The following CLSPN variants were observed in gnomAD, a reference collection of about 807,000 sequenced individuals.
The protein encoded by CLSPN is claspin.
CLSPN carries 85 observed loss-of-function variants against 156.3 expected under a neutral mutation model. That is an observed-to-expected ratio of 0.54 (90% CI 0.46 to 0.65). CLSPN has a LOEUF of 0.65. Ranked by LOEUF, CLSPN falls within the 30% of genes least tolerant of loss-of-function variation. The pLI is 0.00. For synonymous variants in CLSPN, 534 were observed against 542.4 expected (o/e 0.98, Z 0.22); for missense variants, 1,407 against 1,554.9 (o/e 0.90, Z 1.60).
intron 24 of CLSPN, among the ~76,000 whole-genome samples, chr1:35,725,496 G>T (rs1316022164): frequency 6.6e-6 from 1 of 151,904 alleles, no homozygotes; most frequent in African/African-American, 2.4e-5. Context: ...TGCCTCTGTG[G>T]GCTCCATAAT....
In CLSPN at chr1:35,737,084, A is replaced by G. The variant is rs747580666; in HGVS notation, c.3748-9T>C. The stretch of plus-strand genomic sequence containing the variant: ...AGTGAGCCTGTCTTCACCTGAGGAA[A>G]GAAGAGTCATCTGGTATCAAATCCC... On this transcript the variant is annotated splice_polypyrimidine_tract_variant and intron_variant, in intron 23 of 24. Coordinates refer to ENST00000318121, the MANE Select transcript of CLSPN (RefSeq NM_022111.4). 6.2e-7 allele frequency: 1 copy of G among 1,611,502 alleles called. No individual in the cohort carries two copies. The highest frequency in any genetic ancestry group is 8.5e-7 in the Non-Finnish European group (1 of 1,179,068).
In CLSPN at chr1:35,738,100, G is replaced by GAC. The variant is rs1641538562; in HGVS notation, c.3559-4_3559-3insGT. Reference sequence around the variant, plus strand: ...GCTGTAATTTTCCCCTGCTGTGCCTGAAAAAAAAAAAAAATATATATATAT... The same window carrying GAC: ...GCTGTAATTTTCCCCTGCTGTGCCTGACAAAAAAAAAAAAAATATATATATAT... On this transcript the variant is annotated splice_polypyrimidine_tract_variant and splice_region_variant and intron_variant, in intron 21 of 24. Coordinates refer to ENST00000318121, the MANE Select transcript of CLSPN (RefSeq NM_022111.4). 2 of 353,106 alleles carry GAC rather than the reference G, an allele frequency of 5.7e-6. No homozygotes were observed. Among genetic ancestry groups the GAC allele is most frequent in the Non-Finnish European group, 8.1e-6 (2 of 247,972 alleles). 21.9% of individuals were successfully genotyped at this position (353,106 alleles called of 1,614,324 possible). A position where few individuals can be genotyped will look rare whatever the true frequency, so the allele number is the denominator to read the frequency against.
At chr1:35,741,887 C>T (rs1466853082) in intron 18 of CLSPN, among the ~76,000 whole-genome samples, 3 of 142,788 alleles carry the variant, frequency 2.1e-5, no homozygotes, top group Non-Finnish European at 4.5e-5. Flanking sequence ...GCAGGAGAAT[C>T]GCTTTGAACC....
chr1:35,745,600 T>G, intron 15 of CLSPN, 38 bp from the exon 16 acceptor site: 1 of 1,383,782 alleles, frequency 7.2e-7, no homozygotes, highest in Non-Finnish European at 1.0e-6. Context: ...CACCAAGGAA[T>G]GATAGCTTTA....
At chr1:35,769,313 AGGAGCC>A (rs1424649163) in intron 1 of CLSPN, among the ~76,000 whole-genome samples, 1 of 152,202 alleles carries the variant, frequency 6.6e-6, no homozygotes. Flanking sequence ...GCCACCAGCC[AGGAGCC>A]CCAGCGGTGA....
In CLSPN at chr1:35,739,368, T is replaced by C; in HGVS notation, c.3305A>G (p.His1102Arg). 1 of 1,614,092 alleles carries C rather than the reference T, an allele frequency of 6.2e-7. No individual in the cohort carries two copies. Among genetic ancestry groups the C allele is most frequent in the Non-Finnish European group, 8.5e-7 (1 of 1,179,974 alleles). Residue 1102 changes from histidine to arginine, a missense_variant, in exon 19 of 25, where the codon CAC becomes CGC. His to Arg is a conservative substitution (Grantham distance 29). This residue lies in a region of CLSPN where 70 missense variants were observed against 121.5 expected (regional missense o/e 0.58). Coordinates refer to ENST00000318121, the MANE Select transcript of CLSPN (RefSeq NM_022111.4). ...EELQSQIKKI[H>R]MKTMLDDDKR... is the part of the protein sequence containing the mutation. ...AAGGGCTTATTGGGATACTGACATG[T>C]GTATTTTCTTGATTTGACTCTGCAG...
At chr1:35,741,163 A>G (rs938736527) in intron 18 of CLSPN, among the ~76,000 whole-genome samples, 1 of 152,248 alleles carries the variant, frequency 6.6e-6, no homozygotes, top group East Asian at 1.9e-4. Flanking sequence ...CTAAGTAGAA[A>G]AAAAAAGATG....
intron 4 of CLSPN, 63 bp from the exon 5 acceptor site, chr1:35,762,544 G>C: frequency 7.9e-7 from 1 of 1,262,918 alleles, no homozygotes; most frequent in Non-Finnish European, 1.2e-6. Context: ...TGCTTTAGCT[G>C]AAGACTACTT....
At position 35,764,520 on chromosome 1, in the gene CLSPN, T is replaced by A. The variant is rs750452553; in HGVS notation, c.328A>T (p.Ser110Cys). The part of the protein sequence containing the change: ...IKRIYKTVAD[S>C]DESYMEKSLY... ...GACTTTTCCATGTAACTTTCATCAC[T>A]GTCTGCCACAGTTTTGTAAATCCTT... The change falls in exon 3 of 25, where the codon AGT becomes TGT. Residue 110 changes from serine (S) to cysteine (C), a missense_variant. By Grantham distance (112) the Ser-to-Cys change is moderately radical (BLOSUM62 -1). Transcript: ENST00000318121. The A allele has an allele frequency of 3.1e-6, 5 of 1,613,994 alleles. No homozygotes were observed. Among genetic ancestry groups the A allele is most frequent in the Non-Finnish European group, 4.2e-6 (5 of 1,179,982 alleles).
chr1:35,755,957 T>C lies in CLSPN; in HGVS notation c.1580-2021A>G, dbSNP rs1052693877. Reference sequence around the variant, plus strand: ...TGGCCTCAAAGCGAACTTCCCACCTTAGTCTCCCAAAGTGCTGGGACTATA... The same window carrying C: ...TGGCCTCAAAGCGAACTTCCCACCTCAGTCTCCCAAAGTGCTGGGACTATA... On this transcript the variant is annotated intron_variant, in intron 8 of 24. Transcript: ENST00000318121. Among the ~76,000 whole-genome samples the C allele has an allele frequency of 3.3e-5, 5 of 152,100 alleles. No homozygotes were observed. In the South Asian group the frequency reaches 1.0e-3, roughly 32 times the overall value.
intron 18 of CLSPN, among the ~76,000 whole-genome samples, chr1:35,739,750 G>A (rs999773949): frequency 2.7e-4 from 41 of 152,102 alleles, no homozygotes; most frequent in Non-Finnish European, 5.4e-4. Flanking sequence ...TATGCTTCTC[G>A]ATTTACGATG....
chr1:35,739,756 C>T (rs770488251), intron 18 of CLSPN, among the ~76,000 whole-genome samples: 1 of 152,148 alleles, frequency 6.6e-6, no homozygotes, highest in African/African-American at 2.4e-5. Context: ...TCTCGATTTA[C>T]GATGGAGTTA....
chr1:35,743,481 T>G lies in CLSPN; in HGVS notation c.3016A>C (p.Asn1006His), dbSNP rs538535345. 1.2e-6 allele frequency: 2 copies of G among 1,613,856 alleles called. No individual in the cohort carries two copies. Among genetic ancestry groups the G allele is most frequent in the East Asian group, 2.2e-5 (1 of 44,866 alleles). Residue 1006 changes from asparagine (N) to histidine (H), a missense_variant, in exon 17 of 25, where the codon AAT (asparagine) becomes CAT (histidine). Physicochemically the swap from Asn to His is moderately conservative, Grantham distance 68. Coordinates refer to ENST00000318121, the MANE Select transcript of CLSPN (RefSeq NM_022111.4). The part of the protein sequence containing the change: ...EEFGDFRLVS[N>H]DNEFDSDEDE... Reference sequence around the variant, plus strand: ...TCATCACTATCAAACTCATTATCATTTGAAACAAGCCGAAAGTCTCCAAAT... The same window carrying G: ...TCATCACTATCAAACTCATTATCATGTGAAACAAGCCGAAAGTCTCCAAAT...
chr1:35,747,910 T>C lies in CLSPN; in HGVS notation c.2624A>G (p.Asp875Gly). The C allele has an allele frequency of 2.5e-6, 4 of 1,612,946 alleles. No homozygotes were observed. The highest frequency in any genetic ancestry group is 3.4e-6 in the Non-Finnish European group (4 of 1,179,704). Residue 875 changes from aspartate (D) to glycine (G), a missense_variant, in exon 14 of 25, where the codon GAT becomes GGT. Transcript: ENST00000318121. ...ACAGAAACACAAAACTACCTACCCA[T>C]CTGCATCCAACAGTTGGCTCTGAGT... ...DDTQSQLLDA[D>G]GFLNVRNHRN...
intron 9 of CLSPN, 107 bp downstream of exon 9, chr1:35,753,638 C>G: frequency 9.0e-7 from 1 of 1,105,272 alleles, no homozygotes; most frequent in Non-Finnish European, 1.3e-6. Flanking sequence ...GCAAAGCCTC[C>G]AAGGAAAAAG....
At chr1:35,725,928 G>A (rs1051723957) in intron 24 of CLSPN, among the ~76,000 whole-genome samples, 6 of 151,836 alleles carry the variant, frequency 4.0e-5, no homozygotes, top group African/African-American at 1.5e-4. Flanking sequence ...TGATTCCCAC[G>A]GCAATCATTG....
intron 16 of CLSPN, among the ~76,000 whole-genome samples, chr1:35,744,255 C>T (rs916603920): frequency 2.0e-5 from 3 of 152,282 alleles, no homozygotes; most frequent in African/African-American, 7.2e-5. Flanking sequence ...TGGTGACTGG[C>T]TTATTTCTTT....
chr1:35,761,901 C>T, intron 6 of CLSPN, 97 bp downstream of exon 6: 1 of 763,374 alleles, frequency 1.3e-6, no homozygotes, highest in Non-Finnish European at 2.3e-6. Context: ...CCTGAGTTCA[C>T]ATTAGAAGTG....
chr1:35,767,599 T>C (rs1642717923), intron 1 of CLSPN, among the ~76,000 whole-genome samples: 1 of 152,234 alleles, frequency 6.6e-6, no homozygotes, highest in Non-Finnish European at 1.5e-5. Flanking sequence ...CGAAATTATT[T>C]TAAAATGCTG....
Sources: gnomAD v4.1 joint callset for allele counts (sites outside exome capture counted in the v4.1 genomes callset) on GRCh38, gnomAD v4.1.1 for gene constraint, gnomAD v4.1.1 regional missense constraint, MANE v1.5 for transcripts, NCBI Gene and HGNC (gene_info 2026-07-23, HGNC 2026-07-21) for gene names.